Variants in RBFOX1 observed in about 807,000 individuals in gnomAD.
RBFOX1 encodes the protein RNA binding fox-1 homolog 1.
Under a neutral mutation model 57.7 loss-of-function variants are expected in RBFOX1, and 8 were observed. That is an observed-to-expected ratio of 0.14 (90% CI 0.08 to 0.25). The LOEUF (loss-of-function observed/expected upper bound fraction) is 0.25, where lower values mean the gene tolerates loss of function less well. Ranked by LOEUF, RBFOX1 falls within the 10% of genes least tolerant of loss-of-function variation. The pLI is 1.00. For synonymous variants in RBFOX1, 326 were observed against 222.4 expected (o/e 1.47, Z -4.15); for missense variants, 611 against 548.5 (o/e 1.11, Z -1.14).
intron 4 of RBFOX1, among the ~76,000 whole-genome samples, chr16:7,216,691 C>T (rs2092109068): frequency 6.6e-6 from 1 of 151,988 alleles, no homozygotes; most frequent in South Asian, 2.1e-4. Context: ...CACAAACAAA[C>T]CGAGACAATG....
intron 3 of RBFOX1, among the ~76,000 whole-genome samples, chr16:6,781,996 G>C (rs2081096975): frequency 1.3e-5 from 2 of 151,880 alleles, no homozygotes; most frequent in Non-Finnish European, 2.9e-5. Context: ...TAGGTTTTTT[G>C]TTGCTGCTGT....
At chr16:5,840,674 G>T (rs1353431267) in intron 3 of RBFOX1, among the ~76,000 whole-genome samples, 2 of 152,202 alleles carry the variant, frequency 1.3e-5, no homozygotes, top group Non-Finnish European at 2.9e-5. Flanking sequence ...TAGAAGTGAG[G>T]CCGTGGGTCA....
At chr16:5,368,876 T>A (rs1195713210) in intron 1 of RBFOX1, among the ~76,000 whole-genome samples, 2 of 152,228 alleles carry the variant, frequency 1.3e-5, no homozygotes, top group Non-Finnish European at 2.9e-5. Flanking sequence ...TGGCAATGCA[T>A]TCCACTTTTT....
At chr16:6,060,992 C>G (rs12922051) in intron 1 of RBFOX1, among the ~76,000 whole-genome samples, 1 of 151,724 alleles carries the variant, frequency 6.6e-6, no homozygotes, top group South Asian at 2.1e-4. Context: ...TCCATGCATT[C>G]ATTTACAGTT....
intron 3 of RBFOX1, among the ~76,000 whole-genome samples, chr16:6,904,102 C>A (rs1293177933): frequency 6.6e-6 from 1 of 152,146 alleles, no homozygotes; most frequent in South Asian, 2.1e-4. Context: ...CTCTTATTCA[C>A]CACCCCTATA....
At chr16:7,243,701 C>A (rs939679692) in intron 4 of RBFOX1, among the ~76,000 whole-genome samples, 1 of 152,132 alleles carries the variant, frequency 6.6e-6, no homozygotes, top group African/African-American at 2.4e-5. Context: ...CGTGCATCAT[C>A]ACATCCAGCT....
At chr16:6,915,343 G>C (rs2072862229) in intron 3 of RBFOX1, among the ~76,000 whole-genome samples, 1 of 152,138 alleles carries the variant, frequency 6.6e-6, no homozygotes, top group African/African-American at 2.4e-5. Flanking sequence ...TCTGCAGGGA[G>C]GAAGCTTGCT....
chr16:6,913,057 T>C (rs750624399), intron 3 of RBFOX1, among the ~76,000 whole-genome samples: 1 of 152,074 alleles, frequency 6.6e-6, no homozygotes, highest in African/African-American at 2.4e-5. Flanking sequence ...GGAAAAGAAC[T>C]TGGAAAGGGC....
At chr16:7,070,901 G>A (rs1277262951) in intron 4 of RBFOX1, among the ~76,000 whole-genome samples, 4 of 152,150 alleles carry the variant, frequency 2.6e-5, no homozygotes. Context: ...TTGTTGGGTA[G>A]GTGAAGGGTT....
chr16:6,646,722 A>G (rs2098537758), intron 2 of RBFOX1, among the ~76,000 whole-genome samples: 1 of 152,150 alleles, frequency 6.6e-6, no homozygotes, highest in Non-Finnish European at 1.5e-5. Context: ...TTCTAGGTTT[A>G]AAAGTAATCT....
intron 3 of RBFOX1, among the ~76,000 whole-genome samples, chr16:6,905,340 G>A (rs1172423720): frequency 1.3e-5 from 2 of 151,992 alleles, no homozygotes; most frequent in African/African-American, 2.4e-5. Context: ...GATCCCCTGA[G>A]GTTGGGAGTT....
chr16:7,496,028 C>G (rs2068529104), intron 4 of RBFOX1, among the ~76,000 whole-genome samples: 2 of 152,180 alleles, frequency 1.3e-5, no homozygotes, highest in South Asian at 2.1e-4. Flanking sequence ...CAGAGAGATC[C>G]TACAGAACGT....
chr16:7,550,143 C>G (rs1413025140), intron 5 of RBFOX1, among the ~76,000 whole-genome samples: 1 of 152,142 alleles, frequency 6.6e-6, no homozygotes, highest in East Asian at 1.9e-4. Context: ...GTTGCCCAGG[C>G]TGGTCTCAAA....
chr16:5,941,042 A>C (rs984264063), intron 4 of RBFOX1, among the ~76,000 whole-genome samples: 4 of 152,186 alleles, frequency 2.6e-5, no homozygotes, highest in Non-Finnish European at 5.9e-5. Flanking sequence ...TGTTGTGAGA[A>C]TTAAATGAGA....
intron 4 of RBFOX1, among the ~76,000 whole-genome samples, chr16:7,273,056 C>G (rs1248264765): frequency 4.1e-5 from 5 of 121,134 alleles, no homozygotes. Flanking sequence ...CCTTCCCTCC[C>G]TCCTTCCCTC....
At chr16:6,718,219 T>G (rs1313678268) in intron 3 of RBFOX1, among the ~76,000 whole-genome samples, 1 of 152,138 alleles carries the variant, frequency 6.6e-6, no homozygotes, top group African/African-American at 2.4e-5. Context: ...TAACAGCAAT[T>G]AATGTTTATA....
At chr16:6,742,505 G>A (rs1256066608) in intron 3 of RBFOX1, among the ~76,000 whole-genome samples, 1 of 152,034 alleles carries the variant, frequency 6.6e-6, no homozygotes, top group Non-Finnish European at 1.5e-5. Flanking sequence ...GAAAGTTAAT[G>A]TCCACGAAAA....
intron 3 of RBFOX1, among the ~76,000 whole-genome samples, chr16:6,968,951 T>G (rs1190494103): frequency 6.6e-6 from 1 of 152,078 alleles, no homozygotes; most frequent in East Asian, 1.9e-4. Flanking sequence ...GTGACCAGAT[T>G]AGTGGGTGCT....
chr16:7,518,271 A>G lies in RBFOX1; in HGVS notation c.152A>G (p.Glu51Gly). 1 of 1,614,112 alleles carries G rather than the reference A, an allele frequency of 6.2e-7. No homozygotes were observed. Among genetic ancestry groups the G allele is most frequent in the Non-Finnish European group, 8.5e-7 (1 of 1,180,006 alleles). The change falls in exon 5 of 16, where the codon GAG (glutamate) becomes GGG (glycine). Residue 51 changes from glutamate to glycine, a missense_variant. Coordinates refer to ENST00000550418, the MANE Select transcript of RBFOX1 (RefSeq NM_018723.4). ...YTAPHPHPAP[E>G]YTGQTTVPEH... Reference sequence around the variant, plus strand: ...GCCCCTCATCCCCACCCCGCGCCAGAGTACACAGGCCAGACCACGGTTCCC... The same window carrying G: ...GCCCCTCATCCCCACCCCGCGCCAGGGTACACAGGCCAGACCACGGTTCCC...
Sources: gnomAD v4.1 joint callset for allele counts (sites outside exome capture counted in the v4.1 genomes callset) on GRCh38, gnomAD v4.1.1 for gene constraint, MANE v1.5 for transcripts, NCBI Gene and HGNC (gene_info 2026-07-23, HGNC 2026-07-21) for gene names.